CHCHD3: variants seen among roughly 807,000 people sequenced by gnomAD.
CHCHD3 encodes the protein coiled-coil-helix-coiled-coil-helix domain containing 3, also known as MICOS complex subunit MIC19.
Under a neutral mutation model 38.2 loss-of-function variants are expected in CHCHD3, and 20 were observed. The ratio of observed to expected loss-of-function variants is 0.52; its 90% CI spans 0.37 to 0.76. CHCHD3 has a LOEUF of 0.76. CHCHD3 is among the 30% of genes least tolerant of loss of function. CHCHD3 has a pLI of 0.00. For synonymous variants in CHCHD3, 82 were observed against 100.0 expected (o/e 0.82, Z 1.07); for missense variants, 245 against 279.2 (o/e 0.88, Z 0.87).
In CHCHD3 at chr7:132,908,491, C is replaced by T. The variant is rs141742524; in HGVS notation, c.370-22746G>A. Among the ~76,000 whole-genome samples the T allele has an allele frequency of 8.7e-4, 132 of 152,222 alleles. No homozygotes were observed. In the Middle Eastern group the frequency reaches 0.027, roughly 31 times the overall value. On this transcript the variant is annotated intron_variant, in intron 4 of 7. Coordinates refer to ENST00000262570, the MANE Select transcript of CHCHD3 (RefSeq NM_017812.4). ...ATCTTCAAAATATGAGTCAAAGTAA[C>T]CTGCACTTTCTTCTTATAAGTATCC...
rs890070721 is a variant in CHCHD3, at chr7:132,785,349, A to C, written c.*288T>G. 5.0e-5 allele frequency: 21 copies of C among 420,298 alleles called. No individual in the cohort carries two copies. The East Asian group carries it at 9.0e-4, about 18-fold the overall frequency. 26.0% of individuals were successfully genotyped at this position (420,298 alleles called of 1,614,324 possible). A position where few individuals can be genotyped will look rare whatever the true frequency, so the allele number is the denominator to read the frequency against. On this transcript the variant is annotated 3_prime_UTR_variant, in exon 8 of 8. Transcript: ENST00000262570. ...TTTATGGTCAGTGCAAGTTGAATAGAAAGTACCAAAAGGTGGAGAGGGCTG... is the reference window on the plus strand; with the variant it reads ...TTTATGGTCAGTGCAAGTTGAATAGCAAGTACCAAAAGGTGGAGAGGGCTG...
intron 5 of CHCHD3, among the ~76,000 whole-genome samples, chr7:132,863,755 C>T (rs1808548006): frequency 6.6e-6 from 1 of 152,258 alleles, no homozygotes. Flanking sequence ...CCAGCTTCCA[C>T]ATCAGCACCT....
intron 4 of CHCHD3, among the ~76,000 whole-genome samples, chr7:132,946,928 G>A (rs969515721): frequency 6.6e-6 from 1 of 151,874 alleles, no homozygotes; most frequent in Non-Finnish European, 1.5e-5. Context: ...CATTTGCCAA[G>A]CTGCTGAGCT....
chr7:133,019,450 T>A (rs1389926045), intron 3 of CHCHD3, among the ~76,000 whole-genome samples: 1 of 152,150 alleles, frequency 6.6e-6, no homozygotes, highest in African/African-American at 2.4e-5. Flanking sequence ...TTTGATGATA[T>A]CAACAATGCT....
intron 3 of CHCHD3, among the ~76,000 whole-genome samples, chr7:133,021,941 G>C (rs1264850898): frequency 6.6e-6 from 1 of 152,030 alleles, no homozygotes; most frequent in Non-Finnish European, 1.5e-5. Flanking sequence ...AAAAAAATCA[G>C]CCGGGTGTGG....
chr7:133,062,311 T>C (rs773533198), intron 2 of CHCHD3, among the ~76,000 whole-genome samples: 10 of 152,148 alleles, frequency 6.6e-5, no homozygotes, highest in Admixed American at 5.2e-4. Flanking sequence ...GCAAAAATAT[T>C]GTTAATATTG....
intron 2 of CHCHD3, among the ~76,000 whole-genome samples, chr7:133,038,102 T>C (rs1055791307): frequency 2.0e-5 from 3 of 152,188 alleles, no homozygotes; most frequent in Non-Finnish European, 2.9e-5. Flanking sequence ...CAAAGAGAGT[T>C]GGCTGGGATT....
At chr7:132,998,267 A>C (rs897244706) in intron 3 of CHCHD3, among the ~76,000 whole-genome samples, 1 of 152,218 alleles carries the variant, frequency 6.6e-6, no homozygotes, top group Non-Finnish European at 1.5e-5. Flanking sequence ...GCAATGAAAT[A>C]TTTATGAATG....
At chr7:132,905,213 G>A (rs1007516946) in intron 4 of CHCHD3, among the ~76,000 whole-genome samples, 4 of 151,854 alleles carry the variant, frequency 2.6e-5, no homozygotes, top group African/African-American at 7.3e-5. Context: ...AAACCTGCAC[G>A]TTGTGTACAT....
intron 6 of CHCHD3, among the ~76,000 whole-genome samples, chr7:132,816,601 G>A (rs538084695): frequency 6.6e-6 from 1 of 152,224 alleles, no homozygotes; most frequent in Admixed American, 6.5e-5. Context: ...AAATCCGAGA[G>A]CAGGGCTTCC....
chr7:132,960,147 T>C (rs1811281134), intron 4 of CHCHD3, among the ~76,000 whole-genome samples: 1 of 152,098 alleles, frequency 6.6e-6, no homozygotes, highest in Non-Finnish European at 1.5e-5. Context: ...CATGCACTTG[T>C]ACCATGTCAT....
At chr7:132,964,047 G>A (rs1263220218) in intron 4 of CHCHD3, among the ~76,000 whole-genome samples, 1 of 152,152 alleles carries the variant, frequency 6.6e-6, no homozygotes, top group Non-Finnish European at 1.5e-5. Context: ...CAAACAAACT[G>A]TAGAATATCT....
At chr7:132,804,281 G>C (rs1372245837) in intron 6 of CHCHD3, among the ~76,000 whole-genome samples, 1 of 152,090 alleles carries the variant, frequency 6.6e-6, no homozygotes, top group Non-Finnish European at 1.5e-5. Flanking sequence ...TATTATAATA[G>C]CTTACAATCA....
chr7:132,863,168 G>A (rs1422809345), intron 5 of CHCHD3, among the ~76,000 whole-genome samples: 1 of 152,076 alleles, frequency 6.6e-6, no homozygotes, highest in African/African-American at 2.4e-5. Flanking sequence ...ACTATCTATG[G>A]CAGATATGGC....
At chr7:132,984,898 T>C (rs1584620730) in intron 3 of CHCHD3, among the ~76,000 whole-genome samples, 3 of 84,512 alleles carry the variant, frequency 3.5e-5, no homozygotes, top group East Asian at 4.1e-4. Flanking sequence ...GGGAGGGAGG[T>C]GGGGGGGTCA....
At chr7:133,046,239 C>T (rs1485650141) in intron 2 of CHCHD3, among the ~76,000 whole-genome samples, 4 of 152,124 alleles carry the variant, frequency 2.6e-5, no homozygotes, top group East Asian at 1.9e-4. Context: ...GATCTGTAAA[C>T]TTGGATAGGA....
intron 4 of CHCHD3, among the ~76,000 whole-genome samples, chr7:132,966,482 A>G (rs562078226): frequency 6.6e-6 from 1 of 152,330 alleles, no homozygotes; most frequent in South Asian, 2.1e-4. Context: ...AGGAATACAG[A>G]GCTGTGATAT....
chr7:132,977,160 T>C (rs1227818900), intron 3 of CHCHD3, among the ~76,000 whole-genome samples: 1 of 152,178 alleles, frequency 6.6e-6, no homozygotes, highest in Non-Finnish European at 1.5e-5. Context: ...CAGCAATAAT[T>C]AGAAGTCACA....
chr7:132,888,185 CAGA>C (rs1281951741), intron 4 of CHCHD3, among the ~76,000 whole-genome samples: 1 of 151,428 alleles, frequency 6.6e-6, no homozygotes, highest in African/African-American at 2.4e-5. Flanking sequence ...AACAAAAAAG[CAGA>C]AGGATATTTT....
Sources: gnomAD v4.1 joint callset for allele counts (sites outside exome capture counted in the v4.1 genomes callset) on GRCh38, gnomAD v4.1.1 for gene constraint, MANE v1.5 for transcripts, NCBI Gene and HGNC (gene_info 2026-07-23, HGNC 2026-07-21) for gene names.